Variants in GPR39 observed in about 807,000 individuals in gnomAD.
The protein encoded by GPR39 is G protein-coupled receptor 39.
In GPR39, 23 loss-of-function variants were observed where a neutral mutation model predicts 18.4. That is an observed-to-expected ratio of 1.25 (90% CI 0.90 to 1.77). GPR39 has a LOEUF of 1.77. Ranked by LOEUF, GPR39 falls within the 40% of genes most tolerant of loss-of-function variation. The pLI is 0.00. For synonymous variants in GPR39, 280 were observed against 257.9 expected (o/e 1.09, Z -0.82); for missense variants, 647 against 602.4 (o/e 1.07, Z -0.78).
chr2:132,512,047 C>G (rs1046190427), intron 1 of GPR39, among the ~76,000 whole-genome samples: 1 of 152,188 alleles, frequency 6.6e-6, no homozygotes, highest in African/African-American at 2.4e-5. Context: ...AGAAGCTGAT[C>G]CTGTGTTCAC....
intron 1 of GPR39, among the ~76,000 whole-genome samples, chr2:132,501,340 G>A (rs1679034478): frequency 6.6e-6 from 1 of 152,060 alleles, no homozygotes; most frequent in Non-Finnish European, 1.5e-5. Context: ...TTGACCCAAT[G>A]AGCATTCAGG....
At chr2:132,444,763 G>A (rs1680504580) in intron 1 of GPR39, among the ~76,000 whole-genome samples, 1 of 152,214 alleles carries the variant, frequency 6.6e-6, no homozygotes, top group African/African-American at 2.4e-5. Context: ...CTGTGAAGGA[G>A]AGAATGGCTA....
At chr2:132,601,331 A>G (rs979768283) in intron 1 of GPR39, among the ~76,000 whole-genome samples, 1 of 152,188 alleles carries the variant, frequency 6.6e-6, no homozygotes, top group African/African-American at 2.4e-5. Context: ...TAAATGTGAT[A>G]CACAACATCA....
intron 1 of GPR39, among the ~76,000 whole-genome samples, chr2:132,539,288 T>C (rs960865568): frequency 3.5e-4 from 53 of 152,260 alleles, no homozygotes; most frequent in African/African-American, 1.2e-3. Context: ...TTCCCTTGGC[T>C]GCGGGAGGGA....
At chr2:132,509,360 C>T (rs1180902050) in intron 1 of GPR39, among the ~76,000 whole-genome samples, 1 of 151,520 alleles carries the variant, frequency 6.6e-6, no homozygotes, top group African/African-American at 2.4e-5. Context: ...ATTCTATAAC[C>T]CAAGGATAAC....
chr2:132,614,590 G>A (rs1356298893), intron 1 of GPR39, among the ~76,000 whole-genome samples: 2 of 150,332 alleles, frequency 1.3e-5, no homozygotes, highest in Non-Finnish European at 3.0e-5. Context: ...TCGCCCTGTT[G>A]CCCAGGCTGG....
intron 1 of GPR39, among the ~76,000 whole-genome samples, chr2:132,625,982 C>A (rs945789922): frequency 6.6e-6 from 1 of 151,956 alleles, no homozygotes; most frequent in African/African-American, 2.4e-5. Flanking sequence ...TGCCTATAGT[C>A]CCAGCTACTC....
intron 1 of GPR39, among the ~76,000 whole-genome samples, chr2:132,451,256 G>A (rs908789526): frequency 2.4e-4 from 36 of 151,756 alleles, no homozygotes; most frequent in African/African-American, 8.2e-4. Flanking sequence ...CCTTCTCACC[G>A]CCACTCTCCC....
chr2:132,538,079 G>A (rs546982936), intron 1 of GPR39, among the ~76,000 whole-genome samples: 1 of 152,156 alleles, frequency 6.6e-6, no homozygotes, highest in East Asian at 1.9e-4. Context: ...GTCCAGTTCT[G>A]TGCCCTTGCT....
intron 1 of GPR39, among the ~76,000 whole-genome samples, chr2:132,616,024 G>GCAAA (rs963249100): frequency 3.3e-5 from 5 of 150,782 alleles, no homozygotes; most frequent in Admixed American, 3.3e-4. Context: ...TCACAGGAAT[G>GCAAA]CAAACAGCCT....
intron 1 of GPR39, among the ~76,000 whole-genome samples, chr2:132,545,653 GGCGT>G (rs1026665970): frequency 7.4e-5 from 10 of 134,788 alleles, no homozygotes; most frequent in East Asian, 2.5e-4. Flanking sequence ...ATGTGTGATG[GGCGT>G]GTGTGTGTGT....
chr2:132,506,309 G>A (rs944572140), intron 1 of GPR39, among the ~76,000 whole-genome samples: 2 of 152,004 alleles, frequency 1.3e-5, no homozygotes, highest in African/African-American at 4.8e-5. Context: ...TTAGTCCCTT[G>A]TTAGATGAAC....
chr2:132,569,950 T>A (rs2104813497), intron 1 of GPR39, among the ~76,000 whole-genome samples: 1 of 152,336 alleles, frequency 6.6e-6, no homozygotes, highest in African/African-American at 2.4e-5. Flanking sequence ...CGTGGAACTG[T>A]AAATCCAAGA....
chr2:132,482,937 T>G (rs1681262105), intron 1 of GPR39, among the ~76,000 whole-genome samples: 1 of 152,166 alleles, frequency 6.6e-6, no homozygotes, highest in South Asian at 2.1e-4. Flanking sequence ...TATCTTCCAC[T>G]CAATGTTAAG....
chr2:132,482,983 A>G (rs1046998454), intron 1 of GPR39, among the ~76,000 whole-genome samples: 1 of 152,182 alleles, frequency 6.6e-6, no homozygotes, highest in Non-Finnish European at 1.5e-5. Flanking sequence ...GCACGGCAAT[A>G]TAGTGTAGCA....
At chr2:132,632,515 A>G (rs1249051179) in intron 1 of GPR39, among the ~76,000 whole-genome samples, 1 of 152,070 alleles carries the variant, frequency 6.6e-6, no homozygotes, top group Non-Finnish European at 1.5e-5. Flanking sequence ...TGATCTCCTG[A>G]GGTATGCTTT....
chr2:132,581,417 TG>T (rs1680620987), intron 1 of GPR39, among the ~76,000 whole-genome samples: 1 of 151,688 alleles, frequency 6.6e-6, no homozygotes, highest in African/African-American at 2.4e-5. Flanking sequence ...AGAAACCATG[TG>T]ATGGCTCTGC....
At chr2:132,501,240 C>T (rs1051543041) in intron 1 of GPR39, among the ~76,000 whole-genome samples, 2 of 151,830 alleles carry the variant, frequency 1.3e-5, no homozygotes, top group Non-Finnish European at 2.9e-5. Context: ...ATGAACTTTC[C>T]TCTAGCATGG....
intron 1 of GPR39, among the ~76,000 whole-genome samples, chr2:132,626,243 G>A (rs72844709): frequency 0.14 from 20,952 of 152,240 alleles, 1,698 homozygotes; most frequent in Middle Eastern, 0.23. Flanking sequence ...CAAGTCTTTA[G>A]TATTTAAATC....
Sources: allele counts gnomAD v4.1 joint callset (sites outside exome capture counted in the v4.1 genomes callset), GRCh38; gene constraint gnomAD v4.1.1; transcripts MANE v1.5; gene names NCBI Gene and HGNC (gene_info 2026-07-23, HGNC 2026-07-21).